Variants in SLC1A2 observed in about 807,000 individuals in gnomAD.
SLC1A2 encodes excitatory amino acid transporter 2.
SLC1A2 carries 15 observed loss-of-function variants against 48.8 expected under a neutral mutation model. The observed-to-expected ratio is 0.31, with a 90% CI of 0.21 to 0.47. SLC1A2 has a LOEUF of 0.47. Ranked by LOEUF, SLC1A2 falls within the 20% of genes least tolerant of loss-of-function variation. SLC1A2 has a pLI of 0.99. For missense variants in SLC1A2, 502 were observed against 730.5 expected (o/e 0.69, Z 3.61); for synonymous variants, 279 against 272.6 (o/e 1.02, Z -0.23).
intron 5 of SLC1A2, among the ~76,000 whole-genome samples, chr11:35,305,676 C>A (rs1359741938): frequency 6.6e-6 from 1 of 152,212 alleles, no homozygotes; most frequent in Non-Finnish European, 1.5e-5. Flanking sequence ...GGTGGTCCAG[C>A]CCCCGCACCT....
chr11:35,262,738 G>A (rs1168200836), intron 10 of SLC1A2, among the ~76,000 whole-genome samples: 1 of 152,190 alleles, frequency 6.6e-6, no homozygotes, highest in Non-Finnish European at 1.5e-5. Flanking sequence ...AAAGGCTGAG[G>A]ATCAAATAGC....
intron 4 of SLC1A2, among the ~76,000 whole-genome samples, chr11:35,307,443 C>A (rs1443202394): frequency 2.0e-5 from 3 of 152,188 alleles, no homozygotes; most frequent in African/African-American, 7.2e-5. Context: ...TGGCAGTGGT[C>A]CTATTTTTAA....
At chr11:35,298,368 G>A (rs1851236060) in intron 6 of SLC1A2, 1 of 152,068 alleles carries the variant, frequency 6.6e-6, no homozygotes, top group African/African-American at 2.4e-5. Flanking sequence ...TCTTTTCAAT[G>A]TTACATTCTG....
chr11:35,304,157 G>A (rs975628671), intron 5 of SLC1A2, among the ~76,000 whole-genome samples: 2 of 152,082 alleles, frequency 1.3e-5, no homozygotes, highest in East Asian at 3.9e-4. Flanking sequence ...CTTGGCCGCT[G>A]GGGTTACAGA....
At chr11:35,382,321 T>C (rs866106936) in intron 1 of SLC1A2, among the ~76,000 whole-genome samples, 3 of 152,384 alleles carry the variant, frequency 2.0e-5, no homozygotes, top group Middle Eastern at 3.4e-3. Context: ...CTATTTTGTT[T>C]CTTCCTGATC....
intron 1 of SLC1A2, 127 bp downstream of exon 1, chr11:35,418,823 A>G (rs1458294849): frequency 2.6e-6 from 2 of 771,318 alleles, no homozygotes; most frequent in Non-Finnish European, 4.5e-6. Flanking sequence ...ATCCCCAGCC[A>G]AGCTACGGCT....
intron 1 of SLC1A2, chr11:35,322,524 C>A: frequency 7.9e-7 from 1 of 1,273,834 alleles, no homozygotes; most frequent in South Asian, 1.3e-5. Context: ...GTGTGTTTCT[C>A]CTGGAGGATG....
At chr11:35,349,974 C>T (rs2135077495) in intron 1 of SLC1A2, among the ~76,000 whole-genome samples, 1 of 152,244 alleles carries the variant, frequency 6.6e-6, no homozygotes, top group South Asian at 2.1e-4. Context: ...CCAATCCCAG[C>T]TCCACCACTT....
chr11:35,403,598 G>A (rs1018888460), intron 1 of SLC1A2, among the ~76,000 whole-genome samples: 6 of 152,186 alleles, frequency 3.9e-5, no homozygotes, highest in Admixed American at 6.5e-5. Context: ...GATGATAAGA[G>A]CAGAGCATTA....
chr11:35,387,128 C>T (rs1239728945), intron 1 of SLC1A2, among the ~76,000 whole-genome samples: 1 of 152,284 alleles, frequency 6.6e-6, no homozygotes, highest in South Asian at 2.1e-4. Context: ...CCCCCATTCT[C>T]CTGTAGAATT....
At position 35,256,080 on chromosome 11, in the gene SLC1A2, C is replaced by T. The variant is rs549590670; in HGVS notation, c.*4814G>A. 6.6e-6 allele frequency: 1 copy of T among 152,264 alleles called. No individual in the cohort carries two copies. Among genetic ancestry groups the T allele is most frequent in the African/African-American group, 2.4e-5 (1 of 41,564 alleles). 9.4% of individuals were successfully genotyped at this position (152,264 alleles called of 1,614,324 possible). On this transcript the variant is annotated 3_prime_UTR_variant, in exon 11 of 11. Transcript: ENST00000278379. The stretch of plus-strand genomic sequence containing the variant: ...TGGAAGGGGATTTTAGTCATTTAAT[C>T]CAACCCCTTCACTTTTCATATGGGA...
chr11:35,376,623 T>C (rs1335491409), intron 1 of SLC1A2, among the ~76,000 whole-genome samples: 1 of 152,244 alleles, frequency 6.6e-6, no homozygotes, highest in African/African-American at 2.4e-5. Context: ...ATCTTTATAA[T>C]TGTAACCAAA....
intron 1 of SLC1A2, among the ~76,000 whole-genome samples, chr11:35,377,441 T>G (rs905391780): frequency 6.6e-6 from 1 of 152,116 alleles, no homozygotes; most frequent in East Asian, 1.9e-4. Flanking sequence ...TAACAGATGC[T>G]CTACACCCGT....
rs952257799 is a variant in SLC1A2 at position 35,397,504 on chromosome 11, C to T, written c.17+21446G>A. ...TAGAAAGCTGAAACTGGATCCCTTCCTTACACCTTATACAAAAATCAATTC... is the reference window on the plus strand; with the variant it reads ...TAGAAAGCTGAAACTGGATCCCTTCTTTACACCTTATACAAAAATCAATTC... On this transcript the variant is annotated intron_variant, in intron 1 of 10. Transcript: ENST00000278379. Among the ~76,000 whole-genome samples, 5 of 151,026 alleles carry T rather than the reference C, an allele frequency of 3.3e-5. No homozygotes were observed. In the East Asian group the frequency reaches 5.9e-4, roughly 18 times the overall value.
At chr11:35,409,965 A>T (rs1855411016) in intron 1 of SLC1A2, among the ~76,000 whole-genome samples, 1 of 152,046 alleles carries the variant, frequency 6.6e-6, no homozygotes, top group African/African-American at 2.4e-5. Context: ...ATGACCTTGA[A>T]TTCTCCCCAG....
At chr11:35,385,456 A>G (rs961134845) in intron 1 of SLC1A2, among the ~76,000 whole-genome samples, 29 of 152,206 alleles carry the variant, frequency 1.9e-4, no homozygotes, top group African/African-American at 7.0e-4. Flanking sequence ...TAAAGCCTAC[A>G]GGTTTTGTAG....
intron 1 of SLC1A2, among the ~76,000 whole-genome samples, chr11:35,405,270 T>C (rs1246997175): frequency 6.6e-6 from 1 of 152,224 alleles, no homozygotes; most frequent in Non-Finnish European, 1.5e-5. Context: ...GTATTATTTC[T>C]AGACCCATAC....
intron 1 of SLC1A2, among the ~76,000 whole-genome samples, chr11:35,371,941 C>T (rs1854075574): frequency 6.6e-6 from 1 of 152,194 alleles, no homozygotes; most frequent in African/African-American, 2.4e-5. Flanking sequence ...AAATGCAAAA[C>T]AAAATGATAG....
intron 1 of SLC1A2, among the ~76,000 whole-genome samples, chr11:35,330,856 C>A (rs930298669): frequency 1.3e-5 from 2 of 152,208 alleles, no homozygotes; most frequent in South Asian, 2.1e-4. Context: ...CCTGCTGACA[C>A]CTTGATTTTA....
Sources: gnomAD v4.1 joint callset for allele counts (sites outside exome capture counted in the v4.1 genomes callset) on GRCh38, gnomAD v4.1.1 for gene constraint, MANE v1.5 for transcripts, NCBI Gene and HGNC (gene_info 2026-07-23, HGNC 2026-07-21) for gene names.